The following FMR1NB variants were observed in gnomAD, a reference collection of about 807,000 sequenced individuals.
FMR1NB encodes the protein FMR1 neighbor.
Under a neutral mutation model 16.8 loss-of-function variants are expected in FMR1NB, and 10 were observed. The ratio of observed to expected loss-of-function variants is 0.60; its 90% CI spans 0.37 to 1.01. The LOEUF (loss-of-function observed/expected upper bound fraction) is 1.01. FMR1NB is among the 50% of genes least tolerant of loss of function. The probability of loss-of-function intolerance (pLI) is 0.01; values close to 1 mark genes in which losing one functional copy is unlikely to be tolerated. For synonymous variants in FMR1NB, 83 were observed against 79.1 expected, an observed-to-expected ratio of 1.05 and a Z score of -0.26; for missense variants, 205 against 204.8, an observed-to-expected ratio of 1.00 and a Z score of 0.00.
chrX:147,993,392 C>T (rs946948604), intron 1 of FMR1NB, among the ~76,000 whole-genome samples: 5 of 84,404 alleles, frequency 5.9e-5, no homozygotes, highest in Middle Eastern at 6.1e-3. Flanking sequence ...AGAGGGAGAC[C>T]GTGGGGAGAG....
At chrX:148,014,138 T>C (rs1450447037) in intron 4 of FMR1NB, among the ~76,000 whole-genome samples, 9 of 110,747 alleles carry the variant, frequency 8.1e-5, no homozygotes, top group Non-Finnish European at 1.3e-4. Flanking sequence ...AGCTGAGAGG[T>C]CATAATGATA....
chrX:148,015,818 T>C (rs1224551315), intron 4 of FMR1NB, among the ~76,000 whole-genome samples: 1 of 112,163 alleles, frequency 8.9e-6, no homozygotes, highest in Admixed American at 9.4e-5. Flanking sequence ...ATCTATTAGG[T>C]CTATTTGGTG....
chrX:148,014,452 ATC>A (rs1325569274), intron 4 of FMR1NB, among the ~76,000 whole-genome samples: 1 of 112,101 alleles, frequency 8.9e-6, no homozygotes, highest in Non-Finnish European at 1.9e-5. Context: ...TTTCAAGAAT[ATC>A]TGTGTTCCAG....
At chrX:147,982,766 C>A (rs1603067580) in intron 1 of FMR1NB, among the ~76,000 whole-genome samples, 1 of 108,792 alleles carries the variant, frequency 9.2e-6, no homozygotes, top group South Asian at 4.0e-4. Flanking sequence ...TGGTGGCAGG[C>A]GCCTGTATTC....
chrX:148,024,701 G>A (rs1336490512), intron 4 of FMR1NB, among the ~76,000 whole-genome samples, 164 bp from the exon 5 acceptor site: 2 of 112,145 alleles, frequency 1.8e-5, no homozygotes, highest in Non-Finnish European at 3.8e-5. Context: ...ATATGAGCAA[G>A]CCAAGTGGAA....
At chrX:148,017,748 T>C (rs1341326146) in intron 4 of FMR1NB, among the ~76,000 whole-genome samples, 13 of 86,100 alleles carry the variant, frequency 1.5e-4, no homozygotes, top group Non-Finnish European at 2.6e-4. Context: ...GTCCATGTGA[T>C]CTCATTGTTC....
chrX:148,014,192 T>C (rs782202510), intron 4 of FMR1NB, among the ~76,000 whole-genome samples: 1 of 111,013 alleles, frequency 9.0e-6, no homozygotes, highest in Non-Finnish European at 1.9e-5. Context: ...CCATCTGAGA[T>C]GGGGCCGCAA....
At chrX:147,985,241 C>T (rs2044470182) in intron 1 of FMR1NB, among the ~76,000 whole-genome samples, 2 of 111,693 alleles carry the variant, frequency 1.8e-5, no homozygotes, top group African/African-American at 6.5e-5. Flanking sequence ...GTTAATTCTT[C>T]TTTAAATATT....
At chrX:148,018,358 C>A (rs1305366363) in intron 4 of FMR1NB, among the ~76,000 whole-genome samples, 113 of 111,566 alleles carry the variant, frequency 1.0e-3, no homozygotes, top group Non-Finnish European at 4.9e-4. Context: ...AGTGTCTGTT[C>A]ATGCCAAGTC....
intron 1 of FMR1NB, among the ~76,000 whole-genome samples, chrX:147,992,369 G>A (rs1441230375): frequency 8.4e-5 from 5 of 59,813 alleles, no homozygotes; most frequent in African/African-American, 1.4e-4. Flanking sequence ...CGGACGGGGC[G>A]GCTGGCTGGG....
intron 4 of FMR1NB, among the ~76,000 whole-genome samples, chrX:148,013,993 G>A (rs782388258): frequency 9.0e-6 from 1 of 111,088 alleles, no homozygotes; most frequent in African/African-American, 3.3e-5. Context: ...AATGAGTCTG[G>A]AATTTGCCCC....
intron 1 of FMR1NB, among the ~76,000 whole-genome samples, chrX:147,996,596 G>T (rs1330447392): frequency 9.1e-6 from 1 of 110,204 alleles, no homozygotes; most frequent in Non-Finnish European, 1.9e-5. Flanking sequence ...GGATGGGGGG[G>T]GCGGGGGCAA....
intron 1 of FMR1NB, among the ~76,000 whole-genome samples, chrX:148,002,287 ATATTT>A (rs1359069194): frequency 1.9e-4 from 21 of 111,757 alleles, no homozygotes; most frequent in Non-Finnish European, 2.4e-4. Flanking sequence ...AAAACAAAAG[ATATTT>A]TGTTTTATTT....
At chrX:147,990,276 C>T (rs187227804) in intron 1 of FMR1NB, among the ~76,000 whole-genome samples, 129 of 111,078 alleles carry the variant, frequency 1.2e-3, no homozygotes, top group African/African-American at 4.0e-3. Context: ...CCAGGTAAGG[C>T]GACACCCCAC....
chrX:147,998,278 AAAAG>A (rs1569546637), intron 1 of FMR1NB, among the ~76,000 whole-genome samples: 1 of 112,470 alleles, frequency 8.9e-6, no homozygotes, highest in African/African-American at 3.2e-5. Flanking sequence ...GCAGCCATAA[AAAAG>A]AATGAGTTCA....
At chrX:148,019,731 C>G (rs1365283377) in intron 4 of FMR1NB, among the ~76,000 whole-genome samples, 5 of 112,063 alleles carry the variant, frequency 4.5e-5, no homozygotes, top group African/African-American at 9.8e-5. Flanking sequence ...CTCTTGTTCT[C>G]TTCCTTTCCT....
At chrX:148,010,195 G>A (rs915052734) in intron 4 of FMR1NB, among the ~76,000 whole-genome samples, 5 of 112,195 alleles carry the variant, frequency 4.5e-5, no homozygotes, top group African/African-American at 1.6e-4. Context: ...GAGAAACAAT[G>A]TGAATAAGTG....
intron 1 of FMR1NB, among the ~76,000 whole-genome samples, chrX:147,984,920 CTT>C (rs782038413): frequency 3.0e-3 from 340 of 111,784 alleles, no homozygotes; most frequent in African/African-American, 0.011. Context: ...TTGTCAGATG[CTT>C]TTTTTGCATC....
At chrX:148,003,143 T>G in intron 1 of FMR1NB, 58 bp from the exon 2 acceptor site, 1 of 1,116,156 alleles carries the variant, frequency 9.0e-7, no homozygotes, top group East Asian at 3.0e-5. Flanking sequence ...CATTCAAGGG[T>G]CATTGAAAGT....
Sources: gnomAD v4.1 joint callset for allele counts (sites outside exome capture counted in the v4.1 genomes callset) on GRCh38, gnomAD v4.1.1 for gene constraint, MANE v1.5 for transcripts, NCBI Gene and HGNC (gene_info 2026-07-23, HGNC 2026-07-21) for gene names.